The following CASD1 variants were observed in gnomAD, a reference collection of about 807,000 sequenced individuals.
CASD1 encodes the protein CAS1 domain sialic acid O acetyltransferase 1.
A neutral mutation model predicts 100.0 loss-of-function variants in CASD1; 41 were observed. The observed-to-expected ratio is 0.41, with a 90% CI of 0.32 to 0.53. CASD1 has a LOEUF of 0.53. CASD1 is among the 20% of genes least tolerant of loss of function. The pLI, the probability that CASD1 is intolerant of heterozygous loss-of-function variation, is 0.25. For missense variants in CASD1, 774 were observed against 948.7 expected (o/e 0.82, Z 2.42); for synonymous variants, 321 against 315.6 (o/e 1.02, Z -0.18).
chr7:94,541,535 T>C (rs1795395369), intron 10 of CASD1, among the ~76,000 whole-genome samples: 1 of 124,696 alleles, frequency 8.0e-6, no homozygotes, highest in Non-Finnish European at 1.7e-5. Context: ...TGTGTTCCAC[T>C]GGTTTTTTTT....
the CASD1 span, among the ~76,000 whole-genome samples, chr7:94,632,426 A>T: frequency 6.6e-6 from 1 of 152,082 alleles, no homozygotes; most frequent in Admixed American, 6.6e-5. Flanking sequence ...TGAAGATGAC[A>T]AGCACATTTC....
chr7:94,610,044 G>A, the CASD1 span, among the ~76,000 whole-genome samples: 7 of 152,106 alleles, frequency 4.6e-5, no homozygotes, highest in East Asian at 3.8e-4. Flanking sequence ...ATAAGCTATC[G>A]AGCCATGAAA....
chr7:94,598,861 C>T, the CASD1 span: 2 of 1,612,548 alleles, frequency 1.2e-6, no homozygotes, highest in Admixed American at 1.7e-5. Context: ...CAGGGTGGAA[C>T]ACAGGAAGCG....
the CASD1 span, among the ~76,000 whole-genome samples, chr7:94,573,103 C>T: frequency 6.6e-6 from 1 of 152,164 alleles, no homozygotes; most frequent in South Asian, 2.1e-4. Flanking sequence ...TGTACCAGCA[C>T]CATGCTGTTT....
chr7:94,518,460 G>A, intron 3 of CASD1, 137 bp downstream of exon 3: 1 of 658,830 alleles, frequency 1.5e-6, no homozygotes, highest in Non-Finnish European at 2.4e-6. Flanking sequence ...TGGGGAAAAA[G>A]AGGGATGAAT....
the CASD1 span, among the ~76,000 whole-genome samples, chr7:94,564,569 A>G: frequency 9.2e-5 from 14 of 152,200 alleles, no homozygotes; most frequent in African/African-American, 3.4e-4. Flanking sequence ...AATTCCAATT[A>G]TACATTCAGG....
chr7:94,543,404 A>G (rs936815295), intron 10 of CASD1, among the ~76,000 whole-genome samples: 3 of 152,194 alleles, frequency 2.0e-5, no homozygotes, highest in African/African-American at 7.2e-5. Context: ...CTGTAATCTC[A>G]GCACTTTGGG....
chr7:94,534,325 C>T (rs1035265314), intron 7 of CASD1, among the ~76,000 whole-genome samples: 4 of 151,854 alleles, frequency 2.6e-5, no homozygotes, highest in African/African-American at 9.7e-5. Context: ...CACCACCACA[C>T]CCAGCTAATT....
At chr7:94,522,275 TACTA>T (rs1413029983) in intron 3 of CASD1, among the ~76,000 whole-genome samples, 1 of 152,184 alleles carries the variant, frequency 6.6e-6, no homozygotes, top group African/African-American at 2.4e-5. Flanking sequence ...ACCAGGTAAA[TACTA>T]AAGAAAGTTA....
the CASD1 span, chr7:94,600,919 G>C: frequency 7.5e-7 from 1 of 1,330,466 alleles, no homozygotes; most frequent in Non-Finnish European, 1.1e-6. Context: ...GAGATTTTAA[G>C]ATCTGGATAC....
At chr7:94,541,537 GTTTTTTTTTTTTT>G (rs56786123) in intron 10 of CASD1, among the ~76,000 whole-genome samples, 4 of 60,084 alleles carry the variant, frequency 6.7e-5, no homozygotes, top group Admixed American at 6.0e-4. Context: ...TGTTCCACTG[GTTTTTTTTTTTTT>G]TTTTTTTTTT....
chr7:94,631,885 C>G, the CASD1 span, among the ~76,000 whole-genome samples: 1 of 151,996 alleles, frequency 6.6e-6, no homozygotes, highest in Non-Finnish European at 1.5e-5. Context: ...ATCTAATTAT[C>G]TAATTCATTC....
At chr7:94,521,057 A>G (rs1439464031) in intron 3 of CASD1, among the ~76,000 whole-genome samples, 1 of 152,012 alleles carries the variant, frequency 6.6e-6, no homozygotes, top group African/African-American at 2.4e-5. Context: ...ATGCCACTGC[A>G]CTCCAGCCTG....
chr7:94,623,610 G>A, the CASD1 span: 1 of 508,818 alleles, frequency 2.0e-6, no homozygotes, highest in Admixed American at 3.7e-5. Flanking sequence ...TTAATATACT[G>A]AAACAAAAAG....
At chr7:94,559,308 G>GTGTGTGTA (rs1554417421), downstream of CASD1, among the ~76,000 whole-genome samples, 2,446 of 123,602 alleles carry the variant, frequency 0.02, 28 homozygotes, top group Middle Eastern at 0.06. Flanking sequence ...GTGTGTGTAT[G>GTGTGTGTA]TGTGTGTGTG....
At chr7:94,615,314 C>A in the CASD1 span, among the ~76,000 whole-genome samples, 17 of 151,814 alleles carry the variant, frequency 1.1e-4, no homozygotes, top group Non-Finnish European at 2.9e-5. Context: ...AGTCGAGATC[C>A]CACCACTGCA....
chr7:94,568,982 G>T, the CASD1 span, among the ~76,000 whole-genome samples: 1 of 152,114 alleles, frequency 6.6e-6, no homozygotes, highest in African/African-American at 2.4e-5. Flanking sequence ...AGCCCAAATG[G>T]ACTAAGAGGG....
the CASD1 span, among the ~76,000 whole-genome samples, chr7:94,631,959 G>A: frequency 4.0e-5 from 6 of 151,720 alleles, no homozygotes; most frequent in East Asian, 3.9e-4. Flanking sequence ...CTATTTTCTC[G>A]GCAGCTAGAA....
At chr7:94,609,323 T>C in the CASD1 span, among the ~76,000 whole-genome samples, 1 of 152,240 alleles carries the variant, frequency 6.6e-6, no homozygotes, top group Non-Finnish European at 1.5e-5. Context: ...GGCCAGGAGT[T>C]TGAGACCAGC....
Sources: gnomAD v4.1 joint callset for allele counts (sites outside exome capture counted in the v4.1 genomes callset) on GRCh38, gnomAD v4.1.1 for gene constraint, MANE v1.5 for transcripts, NCBI Gene and HGNC (gene_info 2026-07-23, HGNC 2026-07-21) for gene names.